The following RNF169 variants were observed in gnomAD, a reference collection of about 807,000 sequenced individuals.
The protein encoded by RNF169 is E3 ubiquitin-protein ligase RNF169.
In RNF169, 24 loss-of-function variants were observed where a neutral mutation model predicts 53.9. The ratio of observed to expected loss-of-function variants is 0.45; its 90% CI spans 0.32 to 0.63. The LOEUF is 0.63. Among genes scored for constraint, RNF169 ranks in the 20% least tolerant of loss-of-function variants. RNF169 has a pLI of 0.04. For synonymous variants in RNF169, 396 were observed against 363.5 expected (o/e 1.09, Z -1.02); for missense variants, 883 against 906.2 (o/e 0.97, Z 0.33).
intron 3 of RNF169, among the ~76,000 whole-genome samples, chr11:74,810,680 A>G (rs1591420657): frequency 6.6e-6 from 1 of 152,336 alleles, no homozygotes; most frequent in African/African-American, 2.4e-5. Context: ...GTCCTCAACT[A>G]GATTTTCTTA....
In RNF169 at chr11:74,835,958, T is replaced by A. The variant is rs753237606; in HGVS notation, c.1355T>A (p.Leu452His). The A allele has an allele frequency of 3.7e-5, 60 of 1,614,062 alleles. No individual in the cohort carries two copies. The highest frequency in any genetic ancestry group is 5.1e-5 in the Non-Finnish European group (60 of 1,180,034). ...QIKKTLSKAT[L>H]TSLAPEMGEE... ...AAAAAGACCCTTTCAAAAGCCACTC[T>A]TACCTCTCTGGCTCCTGAAATGGGG... The change falls in exon 6 of 6, where the codon CTT (leucine) becomes CAT (histidine). Residue 452 changes from leucine (L) to histidine (H), a missense_variant. By Grantham distance (99) the Leu-to-His change is moderately conservative. This residue lies in a region of RNF169 where 351 missense variants were observed against 337.3 expected (regional missense o/e 1.04). Coordinates refer to ENST00000299563, the MANE Select transcript of RNF169 (RefSeq NM_001098638.2).
At chr11:74,832,533 A>G (rs1446633367) in intron 4 of RNF169, 1 of 152,178 alleles carries the variant, frequency 6.6e-6, no homozygotes, top group Non-Finnish European at 1.5e-5. Flanking sequence ...TTTCTTAATT[A>G]TGTAATATTT....
chr11:74,805,228 G>A (rs1468729866), intron 2 of RNF169, among the ~76,000 whole-genome samples: 2 of 152,226 alleles, frequency 1.3e-5, no homozygotes, highest in Non-Finnish European at 2.9e-5. Context: ...AGTAAACTCA[G>A]TAGCATGGAT....
intron 4 of RNF169, among the ~76,000 whole-genome samples, chr11:74,819,550 TA>T (rs2035981981): frequency 6.6e-6 from 1 of 152,180 alleles, no homozygotes; most frequent in African/African-American, 2.4e-5. Context: ...GCTCAGTAAA[TA>T]TTTGTGGAAT....
Position 74,840,596 on chromosome 11 carries a change from C to T in RNF169, c.*3866C>T, listed in dbSNP as rs1403295201. The T allele has an allele frequency of 6.6e-6, 1 of 152,208 alleles. No homozygotes were observed. Among genetic ancestry groups the T allele is most frequent in the African/African-American group, 2.4e-5 (1 of 41,446 alleles). 9.4% of individuals were successfully genotyped at this position (152,208 alleles called of 1,614,324 possible). A position where few individuals can be genotyped will look rare whatever the true frequency, so the allele number is the denominator to read the frequency against. On this transcript the variant is annotated 3_prime_UTR_variant, in exon 6 of 6. Transcript: ENST00000299563. ...TTCAGTAACCACCTAATCTCTCCCC[C>T]AACCTGATCTCTCATCAGAGCTGGC...
intron 2 of RNF169, among the ~76,000 whole-genome samples, chr11:74,802,595 A>T (rs2035748333): frequency 6.6e-6 from 1 of 152,192 alleles, no homozygotes. Context: ...GTGAGCCAAG[A>T]TCATGCCATT....
intron 1 of RNF169, among the ~76,000 whole-genome samples, chr11:74,756,089 G>T (rs1387995279): frequency 6.6e-6 from 1 of 152,046 alleles, no homozygotes; most frequent in Non-Finnish European, 1.5e-5. Context: ...CTAAAGCATT[G>T]GCTGTGGCAG....
At chr11:74,756,213 T>C (rs1166309913) in intron 1 of RNF169, among the ~76,000 whole-genome samples, 2 of 152,122 alleles carry the variant, frequency 1.3e-5, no homozygotes, top group African/African-American at 2.4e-5. Flanking sequence ...CAAAGTGTAG[T>C]TGGGAAGATT....
chr11:74,787,301 T>A (rs1050614649), intron 1 of RNF169, among the ~76,000 whole-genome samples: 43 of 152,266 alleles, frequency 2.8e-4, no homozygotes, highest in African/African-American at 1.0e-3. Context: ...TAAAGCTAAT[T>A]TTTCTTAACA....
In RNF169 at chr11:74,836,726, A is replaced by G; in HGVS notation, c.2123A>G (p.Lys708Arg). 1 of 1,604,072 alleles carries G rather than the reference A, an allele frequency of 6.2e-7. No individual in the cohort carries two copies. Among genetic ancestry groups the G allele is most frequent in the Non-Finnish European group, 8.5e-7 (1 of 1,176,284 alleles). Residue 708 changes from lysine to arginine, a missense_variant, in exon 6 of 6, where the codon AAG becomes AGG. Around this residue, in one of 3 missense-constraint regions of RNF169, gnomAD observed 351 missense variants for 337.3 expected, o/e 1.04. Transcript: ENST00000299563. ...LLRSSNMAGA[K>R] ...CGGTCCAGCAACATGGCCGGGGCCAAGTAGCACCTAATGAAGTGTTACCTA... is the reference window on the plus strand; with the variant it reads ...CGGTCCAGCAACATGGCCGGGGCCAGGTAGCACCTAATGAAGTGTTACCTA...
At chr11:74,816,925 A>G (rs910201589) in intron 3 of RNF169, among the ~76,000 whole-genome samples, 5 of 152,124 alleles carry the variant, frequency 3.3e-5, no homozygotes, top group Non-Finnish European at 7.4e-5. Context: ...ATAATTCTTG[A>G]TGGTGTGGAG....
At chr11:74,789,583 A>G in intron 1 of RNF169, 43 bp from the exon 2 acceptor site, 1 of 1,347,240 alleles carries the variant, frequency 7.4e-7, no homozygotes, top group Non-Finnish European at 1.1e-6. Flanking sequence ...GGGTCTTCCT[A>G]GAAAGTCATC....
At chr11:74,751,696 A>G (rs2034897546) in intron 1 of RNF169, among the ~76,000 whole-genome samples, 1 of 152,244 alleles carries the variant, frequency 6.6e-6, no homozygotes, top group African/African-American at 2.4e-5. Context: ...TATGAGGACC[A>G]AAATGAAAAA....
intron 2 of RNF169, among the ~76,000 whole-genome samples, chr11:74,803,001 A>G (rs1273949295): frequency 6.6e-6 from 1 of 151,908 alleles, no homozygotes; most frequent in African/African-American, 2.4e-5. Context: ...GCTCACCGCA[A>G]GCTCCGCCTC....
At chr11:74,775,137 G>A (rs1262734439) in intron 1 of RNF169, among the ~76,000 whole-genome samples, 2 of 152,162 alleles carry the variant, frequency 1.3e-5, no homozygotes, top group East Asian at 3.9e-4. Context: ...AGTCATGTTT[G>A]TATTTTAGAT....
chr11:74,755,308 T>C (rs573668170), intron 1 of RNF169, among the ~76,000 whole-genome samples: 32 of 152,356 alleles, frequency 2.1e-4, no homozygotes, highest in Non-Finnish European at 3.2e-4. Flanking sequence ...AATTCAGAAT[T>C]GAACAGCAGG....
At chr11:74,830,217 T>G (rs945149769) in intron 4 of RNF169, among the ~76,000 whole-genome samples, 8 of 151,516 alleles carry the variant, frequency 5.3e-5, no homozygotes, top group African/African-American at 1.9e-4. Flanking sequence ...AGGAAAACAG[T>G]AGAATGAATG....
intron 4 of RNF169, among the ~76,000 whole-genome samples, chr11:74,827,594 T>C (rs2036117078): frequency 6.6e-6 from 1 of 152,148 alleles, no homozygotes; most frequent in South Asian, 2.1e-4. Flanking sequence ...CTTTGTGAAT[T>C]ATGGGGATTA....
intron 1 of RNF169, among the ~76,000 whole-genome samples, chr11:74,758,860 C>T (rs557126528): frequency 3.6e-4 from 54 of 150,818 alleles, no homozygotes; most frequent in African/African-American, 1.1e-3. Context: ...TCATTGGTAG[C>T]TTGATGGGGA....
Sources: allele counts gnomAD v4.1 joint callset (sites outside exome capture counted in the v4.1 genomes callset), GRCh38; gene constraint gnomAD v4.1.1; regional missense constraint gnomAD v4.1.1; transcripts MANE v1.5; gene names NCBI Gene and HGNC (gene_info 2026-07-23, HGNC 2026-07-21).